The following EIF4G3 variants were observed in gnomAD, a reference collection of about 807,000 sequenced individuals.
The protein encoded by EIF4G3 is eIF-4-gamma 3.
In EIF4G3, 34 loss-of-function variants were observed where a neutral mutation model predicts 186.4. The ratio of observed to expected loss-of-function variants is 0.18; its 90% CI spans 0.14 to 0.24. The LOEUF (loss-of-function observed/expected upper bound fraction) is 0.24. EIF4G3 is among the 10% of genes least tolerant of loss of function. The pLI, the probability that EIF4G3 is intolerant of heterozygous loss-of-function variation, is 1.00. For missense variants in EIF4G3, 1,536 were observed against 1,948.5 expected, an observed-to-expected ratio of 0.79 and a Z score of 3.99; for synonymous variants, 673 against 679.5, an observed-to-expected ratio of 0.99 and a Z score of 0.15.
At chr1:20,905,063 G>A in intron 14 of EIF4G3, 92 bp from the exon 15 acceptor site, 1 of 926,266 alleles carries the variant, frequency 1.1e-6, no homozygotes, top group South Asian at 1.7e-5. Flanking sequence ...AATTAAGCAG[G>A]ATAAAAGAGA....
chr1:20,866,606 T>C (rs1387704994), intron 20 of EIF4G3, among the ~76,000 whole-genome samples: 1 of 152,146 alleles, frequency 6.6e-6, no homozygotes, highest in African/African-American at 2.4e-5. Context: ...AAATGCTACA[T>C]GAAAGCAAGA....
At chr1:21,049,096 T>C (rs2094063907) in intron 4 of EIF4G3, among the ~76,000 whole-genome samples, 1 of 152,216 alleles carries the variant, frequency 6.6e-6, no homozygotes, top group African/African-American at 2.4e-5. Flanking sequence ...GAAACAGATA[T>C]GCAGTAAGGA....
intron 3 of EIF4G3, among the ~76,000 whole-genome samples, chr1:21,074,667 G>T (rs924302456): frequency 6.6e-6 from 1 of 152,102 alleles, no homozygotes; most frequent in Non-Finnish European, 1.5e-5. Context: ...AAATGGCTAA[G>T]AAGAAAGTTC....
At chr1:20,994,937 C>T (rs747397679) in intron 7 of EIF4G3, among the ~76,000 whole-genome samples, 3 of 152,124 alleles carry the variant, frequency 2.0e-5, no homozygotes, top group Non-Finnish European at 4.4e-5. Flanking sequence ...CCGCATCCAG[C>T]TTATACTTCT....
At chr1:21,128,326 T>C (rs957608803) in intron 2 of EIF4G3, among the ~76,000 whole-genome samples, 1 of 151,430 alleles carries the variant, frequency 6.6e-6, no homozygotes, top group South Asian at 2.1e-4. Flanking sequence ...CTGGCAAACA[T>C]GGTGAAACCC....
chr1:21,149,092 T>TAA lies in EIF4G3; in HGVS notation c.-272+27081_-272+27082dup, dbSNP rs34512908. On this transcript the variant is annotated intron_variant, in intron 2 of 36. Transcript: ENST00000602326. ...GCCTGAGCAACAGAGACTCTATCTC[T>TAA]AAAAAAAAAAAAGAAAGAAAGAAAT... Among the ~76,000 whole-genome samples the TAA allele has an allele frequency of 2.2e-3, 309 of 137,432 alleles. 3 individuals carry two copies. Among genetic ancestry groups the TAA allele is most frequent in the East Asian group, 0.017 (84 of 4,882 alleles). 90.2% of individuals were successfully genotyped at this position (137,432 alleles called of 152,430 possible).
chr1:21,026,269 A>T (rs1289166090), intron 4 of EIF4G3, among the ~76,000 whole-genome samples: 1 of 152,230 alleles, frequency 6.6e-6, no homozygotes, highest in Non-Finnish European at 1.5e-5. Context: ...GATTTTTGAA[A>T]AGGGTACCAA....
At chr1:20,886,482 G>T in intron 18 of EIF4G3, 111 bp from the exon 19 acceptor site, 1 of 942,638 alleles carries the variant, frequency 1.1e-6, no homozygotes, top group Non-Finnish European at 1.5e-6. Flanking sequence ...GCAAAGATTG[G>T]GTACTAGGTA....
At chr1:20,939,802 T>C (rs1237346833) in intron 14 of EIF4G3, among the ~76,000 whole-genome samples, 3 of 152,000 alleles carry the variant, frequency 2.0e-5, no homozygotes, top group Non-Finnish European at 2.9e-5. Context: ...CACGTGTTTC[T>C]TCGGAGGGCA....
intron 32 of EIF4G3, 51 bp from the exon 33 acceptor site, chr1:20,825,249 C>CAAAA: frequency 4.7e-5 from 10 of 213,754 alleles, no homozygotes; most frequent in South Asian, 1.2e-4. Context: ...GAAGAAGAAA[C>CAAAA]AGAAAAAAAA....
chr1:20,986,408 T>TA (rs2079473197), intron 7 of EIF4G3, among the ~76,000 whole-genome samples: 2 of 152,196 alleles, frequency 1.3e-5, no homozygotes, highest in South Asian at 4.1e-4. Context: ...TGTGTACTCT[T>TA]ACAATTGTGT....
chr1:20,959,677 AATAAT>A, intron 12 of EIF4G3, among the ~76,000 whole-genome samples: 1 of 149,116 alleles, frequency 6.7e-6, no homozygotes, highest in African/African-American at 2.4e-5. Flanking sequence ...TAATAATAAT[AATAAT>A]AATAATAATA....
intron 33 of EIF4G3, among the ~76,000 whole-genome samples, chr1:20,819,223 G>A (rs1007046987): frequency 1.3e-5 from 2 of 151,882 alleles, no homozygotes; most frequent in African/African-American, 2.4e-5. Flanking sequence ...TACAGGCCAA[G>A]TATTTTTCAA....
chr1:20,972,584 G>A (rs776864858), intron 11 of EIF4G3, among the ~76,000 whole-genome samples: 1 of 151,970 alleles, frequency 6.6e-6, no homozygotes, highest in Non-Finnish European at 1.5e-5. Context: ...CAGTTCAGCT[G>A]AGATCGCGCC....
At chr1:21,074,716 G>T (rs1290174621) in intron 3 of EIF4G3, among the ~76,000 whole-genome samples, 1 of 152,106 alleles carries the variant, frequency 6.6e-6, no homozygotes, top group Non-Finnish European at 1.5e-5. Context: ...ACAGAATTAG[G>T]AAGATTATAA....
In EIF4G3 at chr1:20,917,038, A is replaced by G. The variant is rs186029609; in HGVS notation, c.1664-12067T>C. ...CTTATGTCCATACAAAGACTTGTAC[A>G]TAGGTGCTCACAGCAACTTTATTTG... On this transcript the variant is annotated intron_variant, in intron 14 of 36. Transcript: ENST00000602326. Among the ~76,000 whole-genome samples the G allele has an allele frequency of 4.9e-3, 740 of 152,366 alleles. 6 individuals carry two copies. The highest frequency in any genetic ancestry group is 0.017 in the African/African-American group (705 of 41,580).
chr1:21,059,994 CA>C (rs1050447493), intron 3 of EIF4G3, among the ~76,000 whole-genome samples: 2 of 152,230 alleles, frequency 1.3e-5, no homozygotes, highest in Non-Finnish European at 2.9e-5. Flanking sequence ...ATCACCTAGG[CA>C]GGTGTATAGT....
chr1:20,892,170 A>G (rs1234677286), intron 18 of EIF4G3, among the ~76,000 whole-genome samples: 1 of 152,252 alleles, frequency 6.6e-6, no homozygotes, highest in Non-Finnish European at 1.5e-5. Flanking sequence ...TTCAGAAATA[A>G]AAAGGTGATG....
chr1:20,838,002 G>T (rs2067261367), intron 30 of EIF4G3, among the ~76,000 whole-genome samples: 1 of 152,180 alleles, frequency 6.6e-6, no homozygotes, highest in Non-Finnish European at 1.5e-5. Flanking sequence ...ACGGAAGCAG[G>T]TATGGTGAAA....
Sources: gnomAD v4.1 joint callset for allele counts (sites outside exome capture counted in the v4.1 genomes callset) on GRCh38, gnomAD v4.1.1 for gene constraint, MANE v1.5 for transcripts, NCBI Gene and HGNC (gene_info 2026-07-23, HGNC 2026-07-21) for gene names.